The following EXO1 variants were observed in gnomAD, a reference collection of about 807,000 sequenced individuals.
EXO1 encodes exonuclease 1.
EXO1 carries 69 observed loss-of-function variants against 84.5 expected under a neutral mutation model. The observed-to-expected ratio is 0.82, with a 90% CI of 0.67 to 1.00. EXO1 has a LOEUF of 1.00. Among genes scored for constraint, EXO1 ranks in the 50% least tolerant of loss-of-function variants. EXO1 has a pLI of 0.00. For missense variants in EXO1, 1,045 were observed against 1,000.7 expected (o/e 1.04, Z -0.60); for synonymous variants, 373 against 366.1 (o/e 1.02, Z -0.21).
At chr1:241,861,626 G>T in intron 10 of EXO1, 124 bp downstream of exon 10, 1 of 703,142 alleles carries the variant, frequency 1.4e-6, no homozygotes, top group Non-Finnish European at 2.6e-6. Flanking sequence ...TGTGCAGAAT[G>T]TACATTAAAA....
In EXO1 at chr1:241,866,867, CAT is replaced by C. The variant is rs767811883; in HGVS notation, c.1080_1081del (p.Cys361SerfsTer5). The C allele has an allele frequency of 6.2e-7, 1 of 1,613,842 alleles. No homozygotes were observed. The highest frequency in any genetic ancestry group is 8.5e-7 in the Non-Finnish European group (1 of 1,179,740). On this transcript the variant is annotated frameshift_variant, in exon 11 of 16. Coordinates refer to ENST00000366548, the MANE Select transcript of EXO1 (RefSeq NM_130398.4). LOFTEE classifies it high-confidence loss of function. ...AGAAGTCATAGTTGGGATGACAAAA[CAT>C]GTCAAAAGTCAGCTAATGTTAGCAG... is the stretch of plus-strand genomic sequence containing the variant.
At chr1:241,866,527 T>G (rs1661738690) in intron 10 of EXO1, among the ~76,000 whole-genome samples, 1 of 151,280 alleles carries the variant, frequency 6.6e-6, no homozygotes, top group East Asian at 1.9e-4. Flanking sequence ...TATTTACTTT[T>G]AATCTTTTTT....
At chr1:241,862,585 A>C (rs573778373) in intron 10 of EXO1, among the ~76,000 whole-genome samples, 7 of 152,316 alleles carry the variant, frequency 4.6e-5, no homozygotes, top group Non-Finnish European at 1.0e-4. Context: ...AGCACTTATT[A>C]CTGTATAACA....
chr1:241,863,315 G>C (rs1024784149), intron 10 of EXO1, among the ~76,000 whole-genome samples: 2 of 151,584 alleles, frequency 1.3e-5, no homozygotes, highest in East Asian at 3.9e-4. Context: ...GTGATTCCAA[G>C]CCAAGTTCTC....
In EXO1 at chr1:241,889,677, A is replaced by T; in HGVS notation, c.*77A>T. On this transcript the variant is annotated 3_prime_UTR_variant, in exon 16 of 16. Coordinates refer to ENST00000366548, the MANE Select transcript of EXO1 (RefSeq NM_130398.4). ...GTCCCTGTTTGGGAATGAGGCACTT[A>T]TCAGCATGAAGAATTTTTTCTCATT... The T allele has an allele frequency of 7.2e-7, 1 of 1,392,640 alleles. No homozygotes were observed. Among genetic ancestry groups the T allele is most frequent in the Non-Finnish European group, 1.0e-6 (1 of 979,958 alleles). The allele number at this position is 1,392,640 out of a possible 1,614,324, so 86.3% of individuals were successfully genotyped here. A position where few individuals can be genotyped will look rare whatever the true frequency, so the allele number is the denominator to read the frequency against.
intron 15 of EXO1, among the ~76,000 whole-genome samples, chr1:241,885,770 A>G (rs1695410811): frequency 6.6e-6 from 1 of 151,938 alleles, no homozygotes; most frequent in Admixed American, 6.6e-5. Flanking sequence ...TTGCTTTCCT[A>G]GGCCTTAAGT....
Position 241,855,258 on chromosome 1 carries a change from G to A in EXO1, c.405+1777G>A, listed in dbSNP as rs190566006. On this transcript the variant is annotated intron_variant, in intron 6 of 15. Transcript: ENST00000366548. ...TGGTGCGTTTACAATCCCTGAGCTG[G>A]ACACAAAGATTCTCCACTGTCCCCA... Among the ~76,000 whole-genome samples the A allele has an allele frequency of 2.4e-3, 359 of 151,172 alleles. 1 individual carries two copies. The highest frequency in any genetic ancestry group is 3.7e-3 in the Non-Finnish European group (250 of 67,732).
intron 11 of EXO1, among the ~76,000 whole-genome samples, chr1:241,867,650 A>G (rs992204416): frequency 2.0e-5 from 3 of 151,970 alleles, no homozygotes; most frequent in African/African-American, 4.8e-5. Context: ...TGGCTGTCCA[A>G]TTGTTCCAGC....
intron 6 of EXO1, among the ~76,000 whole-genome samples, chr1:241,855,648 A>G (rs1394664793): frequency 6.6e-6 from 1 of 152,076 alleles, no homozygotes; most frequent in Non-Finnish European, 1.5e-5. Flanking sequence ...CTCGTTGGGG[A>G]GGCTCGGGCG....
intron 10 of EXO1, among the ~76,000 whole-genome samples, chr1:241,863,247 C>T (rs1474026501): frequency 6.6e-6 from 1 of 151,992 alleles, no homozygotes; most frequent in Non-Finnish European, 1.5e-5. Flanking sequence ...GATGAGGAAA[C>T]AATTAGAGGA....
intron 6 of EXO1, among the ~76,000 whole-genome samples, chr1:241,854,250 GC>G (rs541171862): frequency 1.9e-3 from 297 of 152,314 alleles, no homozygotes; most frequent in African/African-American, 7.0e-3. Context: ...CGATTCTCCT[GC>G]CTCAGCCTCC....
At chr1:241,857,291 G>C (rs975341736) in intron 6 of EXO1, 54 bp from the exon 7 acceptor site, 25 of 1,595,350 alleles carry the variant, frequency 1.6e-5, no homozygotes, top group Non-Finnish European at 2.1e-5. Flanking sequence ...ACAGGAAGTT[G>C]TTTAGTACTT....
chr1:241,875,291 A>G (rs1310974563), intron 12 of EXO1, among the ~76,000 whole-genome samples: 1 of 152,152 alleles, frequency 6.6e-6, no homozygotes, highest in Non-Finnish European at 1.5e-5. Context: ...GGCGTGAGTC[A>G]CCACACTCTG....
intron 11 of EXO1, among the ~76,000 whole-genome samples, chr1:241,867,528 A>G (rs1661818919): frequency 6.6e-6 from 1 of 152,172 alleles, no homozygotes; most frequent in African/African-American, 2.4e-5. Context: ...AAACATTATC[A>G]TTAGTTTTAG....
At chr1:241,855,868 T>TCTGAGTG (rs1479939389) in intron 6 of EXO1, among the ~76,000 whole-genome samples, 1 of 152,178 alleles carries the variant, frequency 6.6e-6, no homozygotes, top group Non-Finnish European at 1.5e-5. Flanking sequence ...GGCCGGCTGC[T>TCTGAGTG]CTGAGTGCGG....
intron 14 of EXO1, among the ~76,000 whole-genome samples, chr1:241,882,437 G>A (rs1662828067): frequency 6.6e-6 from 1 of 152,134 alleles, no homozygotes; most frequent in African/African-American, 2.4e-5. Flanking sequence ...AGGCATGTAT[G>A]ATTTAACATT....
intron 8 of EXO1, among the ~76,000 whole-genome samples, chr1:241,859,053 G>T (rs1028370486): frequency 1.3e-5 from 2 of 152,092 alleles, no homozygotes; most frequent in Admixed American, 1.3e-4. Context: ...CTGTTTGGTC[G>T]CAGGATCCCT....
At chr1:241,875,694 TGG>T (rs1558140320) in intron 12 of EXO1, among the ~76,000 whole-genome samples, 1 of 152,058 alleles carries the variant, frequency 6.6e-6, no homozygotes, top group African/African-American at 2.4e-5. Flanking sequence ...CTGGCTAACA[TGG>T]TGAAACCCCA....
Position 241,861,793 on chromosome 1 carries a change from T to A in EXO1, c.1041+291T>A, listed in dbSNP as rs184996983. Among the ~76,000 whole-genome samples the A allele has an allele frequency of 1.1e-3, 175 of 152,292 alleles. 1 individual carries two copies. The highest frequency in any genetic ancestry group is 4.2e-3 in the African/African-American group (174 of 41,554). ...TTGATGCCTTTTTTTCTCATCTCAC[T>A]CCGTTCGGCTTCTGTGGCATTTGGC... On this transcript the variant is annotated intron_variant, in intron 10 of 15. Coordinates refer to ENST00000366548, the MANE Select transcript of EXO1 (RefSeq NM_130398.4).
Sources: gnomAD v4.1 joint callset for allele counts (sites outside exome capture counted in the v4.1 genomes callset) on GRCh38, gnomAD v4.1.1 for gene constraint, MANE v1.5 for transcripts, NCBI Gene and HGNC (gene_info 2026-07-23, HGNC 2026-07-21) for gene names.